Variants in CTNNA2 observed in about 807,000 individuals in gnomAD.
The protein encoded by CTNNA2 is catenin alpha-2.
In CTNNA2, 42 loss-of-function variants were observed where a neutral mutation model predicts 101.0. That is an observed-to-expected ratio of 0.42 (90% CI 0.32 to 0.54). The LOEUF is 0.54. CTNNA2 is among the 20% of genes least tolerant of loss of function. The pLI is 0.14. For synonymous variants in CTNNA2, 450 were observed against 456.4 expected (o/e 0.99, Z 0.18); for missense variants, 871 against 1,223.1 (o/e 0.71, Z 4.29).
chr2:79,783,653 C>T (rs865883209), intron 3 of CTNNA2, among the ~76,000 whole-genome samples: 2 of 152,130 alleles, frequency 1.3e-5, no homozygotes, highest in South Asian at 2.1e-4. Context: ...CTACCATGTT[C>T]ATCTCCAGGA....
intron 7 of CTNNA2, chr2:80,298,240 G>C (rs1262726238): frequency 6.6e-6 from 1 of 151,978 alleles, no homozygotes; most frequent in Non-Finnish European, 1.5e-5. Flanking sequence ...TCATATTCTA[G>C]CTAATTCCTT....
chr2:80,572,111 T>A (rs1030488729), intron 12 of CTNNA2, among the ~76,000 whole-genome samples: 2 of 152,182 alleles, frequency 1.3e-5, no homozygotes, highest in African/African-American at 2.4e-5. Flanking sequence ...GTGTAACCAT[T>A]GTTCTCCCAT....
At chr2:79,812,049 G>A (rs1677083329) in intron 3 of CTNNA2, among the ~76,000 whole-genome samples, 2 of 152,098 alleles carry the variant, frequency 1.3e-5, no homozygotes, top group African/African-American at 4.8e-5. Flanking sequence ...CAATAGTTTA[G>A]TTTTGTGTGC....
intron 1 of CTNNA2, among the ~76,000 whole-genome samples, chr2:79,187,561 GAGA>G (rs1355676102): frequency 6.6e-6 from 1 of 152,138 alleles, no homozygotes; most frequent in African/African-American, 2.4e-5. Flanking sequence ...TTTAGCATAT[GAGA>G]AGTTTTCTAT....
At chr2:79,721,375 G>C (rs1686477852) in intron 2 of CTNNA2, among the ~76,000 whole-genome samples, 1 of 152,184 alleles carries the variant, frequency 6.6e-6, no homozygotes, top group Non-Finnish European at 1.5e-5. Flanking sequence ...ATGCTTCTCA[G>C]ATCAAGTCTC....
chr2:80,426,337 A>G lies in CTNNA2; in HGVS notation c.1290+6736A>G, dbSNP rs1020061750. On this transcript the variant is annotated intron_variant, in intron 9 of 18. Transcript: ENST00000402739. ...ATCGCCACAATGAAAATAAAAGCTAATCTTGAAAATGAGATGCAAGATCAA... is the reference window on the plus strand; with the variant it reads ...ATCGCCACAATGAAAATAAAAGCTAGTCTTGAAAATGAGATGCAAGATCAA... Among the ~76,000 whole-genome samples, 12 of 152,284 alleles carry G rather than the reference A, an allele frequency of 7.9e-5. No individual in the cohort carries two copies. In the East Asian group the frequency reaches 1.4e-3, roughly 17 times the overall value.
chr2:80,094,745 G>T (rs908473832), intron 7 of CTNNA2, among the ~76,000 whole-genome samples: 9 of 152,190 alleles, frequency 5.9e-5, no homozygotes, highest in African/African-American at 2.2e-4. Context: ...TGGATTCCTA[G>T]GTATTTTATT....
At chr2:79,539,958 G>C (rs1211130642) in intron 1 of CTNNA2, among the ~76,000 whole-genome samples, 3 of 151,950 alleles carry the variant, frequency 2.0e-5, no homozygotes, top group Non-Finnish European at 4.4e-5. Context: ...AAGAAAACCT[G>C]GCTTTTAAAT....
intron 7 of CTNNA2, among the ~76,000 whole-genome samples, chr2:80,367,579 T>C (rs1675055281): frequency 6.6e-6 from 1 of 152,126 alleles, no homozygotes. Flanking sequence ...AATATCTAGA[T>C]GCAAATTGAA....
At chr2:80,230,681 G>T (rs1172661851) in intron 7 of CTNNA2, among the ~76,000 whole-genome samples, 1 of 152,104 alleles carries the variant, frequency 6.6e-6, no homozygotes, top group South Asian at 2.1e-4. Context: ...TTGTCATGTG[G>T]CCACAAGGCT....
chr2:79,912,120 G>C (rs1413277292), intron 7 of CTNNA2, among the ~76,000 whole-genome samples: 1 of 152,136 alleles, frequency 6.6e-6, no homozygotes, highest in African/African-American at 2.4e-5. Flanking sequence ...AATGTGCTAG[G>C]CAGTACCATT....
chr2:79,442,015 T>C (rs1161893878), intron 4 of CTNNA2, among the ~76,000 whole-genome samples: 1 of 152,192 alleles, frequency 6.6e-6, no homozygotes, highest in Non-Finnish European at 1.5e-5. Context: ...TTGTGACTAA[T>C]TAGCTATTAG....
intron 4 of CTNNA2, among the ~76,000 whole-genome samples, chr2:79,499,572 T>TC (rs1194769018): frequency 6.6e-6 from 1 of 152,152 alleles, no homozygotes; most frequent in Non-Finnish European, 1.5e-5. Context: ...CCTTTAGAGC[T>TC]CCCCTCTAGA....
At chr2:80,395,592 G>C (rs576748149) in intron 8 of CTNNA2, among the ~76,000 whole-genome samples, 9 of 152,248 alleles carry the variant, frequency 5.9e-5, no homozygotes, top group African/African-American at 1.7e-4. Context: ...AATTTGTTTG[G>C]CCCAGGTAGG....
chr2:79,244,864 G>C (rs1674679409), intron 2 of CTNNA2, among the ~76,000 whole-genome samples: 2 of 152,188 alleles, frequency 1.3e-5, no homozygotes, highest in South Asian at 4.1e-4. Context: ...GGAGGCTGAG[G>C]CGGGTGGATC....
chr2:80,142,273 T>C (rs1703061439), intron 7 of CTNNA2, among the ~76,000 whole-genome samples: 1 of 152,146 alleles, frequency 6.6e-6, no homozygotes, highest in South Asian at 2.1e-4. Context: ...TGTAAGTCAT[T>C]GGGAAGTTGG....
intron 6 of CTNNA2, among the ~76,000 whole-genome samples, chr2:79,907,266 AT>A (rs1032810437): frequency 6.6e-6 from 1 of 152,118 alleles, no homozygotes; most frequent in Non-Finnish European, 1.5e-5. Context: ...GTCTAATTAT[AT>A]TTTTACCAGG....
chr2:79,633,010 G>A (rs1301431272), intron 1 of CTNNA2, among the ~76,000 whole-genome samples: 1 of 152,194 alleles, frequency 6.6e-6, no homozygotes. Flanking sequence ...TTTTCACTGG[G>A]GGGCTGTAGT....
chr2:79,266,730 T>C (rs1674992120), intron 2 of CTNNA2, among the ~76,000 whole-genome samples: 1 of 152,092 alleles, frequency 6.6e-6, no homozygotes. Flanking sequence ...TGATAGGGGA[T>C]ACATTGACTT....
Sources: allele counts gnomAD v4.1 joint callset (sites outside exome capture counted in the v4.1 genomes callset), GRCh38; gene constraint gnomAD v4.1.1; transcripts MANE v1.5; gene names NCBI Gene and HGNC (gene_info 2026-07-23, HGNC 2026-07-21).